The following EYS variants were observed in gnomAD, a reference collection of about 807,000 sequenced individuals.
The protein encoded by EYS is protein eyes shut homolog.
Under a neutral mutation model 282.1 loss-of-function variants are expected in EYS, and 250 were observed. The ratio of observed to expected loss-of-function variants is 0.89; its 90% CI spans 0.80 to 0.98. The LOEUF is 0.98. Among genes scored for constraint, EYS ranks in the 50% least tolerant of loss-of-function variants. The pLI is 0.00. For synonymous variants in EYS, 1,355 were observed against 1,282.9 expected (o/e 1.06, Z -1.20); for missense variants, 4,016 against 3,709.0 (o/e 1.08, Z -2.15).
At chr6:64,754,082 G>T (rs985110127) in intron 22 of EYS, among the ~76,000 whole-genome samples, 3 of 151,934 alleles carry the variant, frequency 2.0e-5, no homozygotes, top group Non-Finnish European at 4.4e-5. Context: ...ACATACTCAG[G>T]CTTCTGGGAT....
intron 1 of EYS, among the ~76,000 whole-genome samples, chr6:65,675,577 A>G (rs996770469): frequency 9.2e-5 from 14 of 151,972 alleles, no homozygotes; most frequent in Middle Eastern, 3.2e-3. Flanking sequence ...TACCAAATAT[A>G]TATGCACATA....
At chr6:64,112,813 A>G (rs1048871494) in intron 31 of EYS, among the ~76,000 whole-genome samples, 1 of 150,364 alleles carries the variant, frequency 6.7e-6, no homozygotes, top group Non-Finnish European at 1.5e-5. Flanking sequence ...ATCTCTCTAT[A>G]TATATCTTCA....
intron 22 of EYS, among the ~76,000 whole-genome samples, chr6:64,802,659 T>C (rs1764280626): frequency 6.6e-6 from 1 of 152,218 alleles, no homozygotes; most frequent in Non-Finnish European, 1.5e-5. Context: ...GCAGATAAGT[T>C]ATTTTTAACA....
chr6:65,160,828 CTATAAT>C (rs1046222828), intron 12 of EYS, among the ~76,000 whole-genome samples: 16 of 150,788 alleles, frequency 1.1e-4, no homozygotes, highest in African/African-American at 3.6e-4. Flanking sequence ...CCAAATGTCT[CTATAAT>C]TATATTTATT....
chr6:65,519,710 T>A (rs376851587), intron 2 of EYS, among the ~76,000 whole-genome samples: 578 of 27,732 alleles, frequency 0.021, 7 homozygotes, highest in African/African-American at 0.061. Context: ...ATATATATAT[T>A]TTTTTTTTTT....
intron 13 of EYS, among the ~76,000 whole-genome samples, chr6:65,039,262 G>C (rs1772860481): frequency 6.6e-6 from 1 of 151,252 alleles, no homozygotes; most frequent in South Asian, 2.1e-4. Flanking sequence ...TTTTTAAAAG[G>C]CTTTTATTTT....
chr6:63,720,849 T>C lies in EYS; in HGVS notation c.9182A>G (p.Asn3061Ser), dbSNP rs1346988916. 7 of 1,551,150 alleles carry C rather than the reference T, an allele frequency of 4.5e-6. No individual in the cohort carries two copies. Among genetic ancestry groups the C allele is most frequent in the Non-Finnish European group, 6.1e-6 (7 of 1,146,684 alleles). The change falls in exon 43 of 43, where the codon AAT becomes AGT. Residue 3061 changes from asparagine to serine, a missense_variant. Asn to Ser is a conservative substitution (Grantham distance 46). Coordinates refer to ENST00000503581, the MANE Select transcript of EYS (RefSeq NM_001142800.2). ...QNQTLIKAYI[N>S]NSLILSEDID... ...ATCCTCGGAAAGAATTAGACTGTTA[T>C]TTATGTAGGCCTTGATAAGAGTCTG... is the stretch of plus-strand genomic sequence containing the variant.
rs181940044 is a variant in EYS, at chr6:64,633,985, T to A, written c.3444-7740A>T. Reference sequence around the variant, plus strand: ...GAGATGACAAATGCTTGTGTTTGTTTCTTTGTTTGTTTGTTTGAGATAGAG... The same window carrying A: ...GAGATGACAAATGCTTGTGTTTGTTACTTTGTTTGTTTGTTTGAGATAGAG... On this transcript the variant is annotated intron_variant, in intron 22 of 42. Coordinates refer to ENST00000503581, the MANE Select transcript of EYS (RefSeq NM_001142800.2). Among the ~76,000 whole-genome samples the A allele has an allele frequency of 2.1e-3, 314 of 152,230 alleles. 2 individuals carry two copies. Among genetic ancestry groups the A allele is most frequent in the Middle Eastern group, 6.8e-3 (2 of 294 alleles).
intron 1 of EYS, among the ~76,000 whole-genome samples, chr6:65,699,652 G>A (rs933796365): frequency 4.6e-5 from 7 of 152,062 alleles, no homozygotes; most frequent in Admixed American, 3.3e-4. Flanking sequence ...GCAAACAGTC[G>A]AGAGAGAAGA....
At chr6:64,938,992 T>C (rs1005234806) in intron 15 of EYS, among the ~76,000 whole-genome samples, 2 of 151,772 alleles carry the variant, frequency 1.3e-5, no homozygotes, top group Non-Finnish European at 3.0e-5. Context: ...TATGGTGTGT[T>C]AATTATGTCT....
At chr6:65,016,859 T>TG (rs1772072816) in intron 13 of EYS, among the ~76,000 whole-genome samples, 1 of 152,188 alleles carries the variant, frequency 6.6e-6, no homozygotes, top group East Asian at 1.9e-4. Flanking sequence ...AAGACAGTCC[T>TG]TTTTACTAAA....
intron 12 of EYS, among the ~76,000 whole-genome samples, chr6:65,234,500 G>A (rs935260217): frequency 1.3e-5 from 2 of 152,214 alleles, no homozygotes; most frequent in Non-Finnish European, 2.9e-5. Context: ...TGTAGCCTTT[G>A]GAGCTCTAAT....
At chr6:64,451,980 T>A (rs1229329941) in intron 26 of EYS, among the ~76,000 whole-genome samples, 2 of 152,186 alleles carry the variant, frequency 1.3e-5, no homozygotes, top group Non-Finnish European at 2.9e-5. Flanking sequence ...ACCACTCTTA[T>A]TCAACATAGT....
chr6:65,073,486 T>A (rs980241828), intron 12 of EYS, among the ~76,000 whole-genome samples: 1 of 151,818 alleles, frequency 6.6e-6, no homozygotes, highest in African/African-American at 2.4e-5. Flanking sequence ...GTGTGCACTG[T>A]ACATCTATCT....
intron 30 of EYS, among the ~76,000 whole-genome samples, chr6:64,272,580 T>C (rs903377109): frequency 1.3e-5 from 2 of 152,186 alleles, no homozygotes; most frequent in African/African-American, 4.8e-5. Flanking sequence ...TTCTTTTCTT[T>C]AAGAATGTCG....
chr6:65,595,649 C>CAAA (rs61686102), intron 2 of EYS, among the ~76,000 whole-genome samples: 175 of 146,222 alleles, frequency 1.2e-3, no homozygotes, highest in East Asian at 7.0e-3. Flanking sequence ...TCTTTTATCT[C>CAAA]AAAAAAAAAA....
chr6:64,012,278 T>C (rs893951668), intron 33 of EYS, among the ~76,000 whole-genome samples: 7 of 152,172 alleles, frequency 4.6e-5, no homozygotes, highest in Non-Finnish European at 5.9e-5. Context: ...AAGAATCTTC[T>C]TAGGCTACAT....
intron 40 of EYS, among the ~76,000 whole-genome samples, chr6:63,764,496 G>A (rs887263233): frequency 6.6e-6 from 1 of 151,898 alleles, no homozygotes; most frequent in Non-Finnish European, 1.5e-5. Flanking sequence ...TAAACGTGAT[G>A]CTGTCATTAC....
chr6:63,807,472 T>G (rs963955157), intron 36 of EYS, among the ~76,000 whole-genome samples: 8 of 152,242 alleles, frequency 5.3e-5, no homozygotes, highest in Non-Finnish European at 8.8e-5. Flanking sequence ...AAAATGATGC[T>G]TATTATCAAA....
Sources: gnomAD v4.1 joint callset for allele counts (sites outside exome capture counted in the v4.1 genomes callset) on GRCh38, gnomAD v4.1.1 for gene constraint, MANE v1.5 for transcripts, NCBI Gene and HGNC (gene_info 2026-07-23, HGNC 2026-07-21) for gene names.